PKP4: variants seen among roughly 807,000 people sequenced by gnomAD.
PKP4 encodes the protein plakophilin-4.
A neutral mutation model predicts 145.1 loss-of-function variants in PKP4; 90 were observed. The ratio of observed to expected loss-of-function variants is 0.62; its 90% CI spans 0.52 to 0.74. The LOEUF is 0.74. Ranked by LOEUF, PKP4 falls within the 30% of genes least tolerant of loss-of-function variation. The probability of loss-of-function intolerance (pLI) is 0.00; values close to 1 mark genes in which losing one functional copy is unlikely to be tolerated. For synonymous variants in PKP4, 563 were observed against 577.2 expected (o/e 0.98, Z 0.35); for missense variants, 1,340 against 1,482.7 (o/e 0.90, Z 1.58).
chr2:158,615,226 G>T (rs907921120), intron 4 of PKP4, among the ~76,000 whole-genome samples: 1 of 151,838 alleles, frequency 6.6e-6, no homozygotes, highest in African/African-American at 2.4e-5. Context: ...AATAAAAAGT[G>T]TCTTTGAAAA....
intron 16 of PKP4, among the ~76,000 whole-genome samples, chr2:158,668,842 G>T (rs549018688): frequency 6.6e-6 from 1 of 152,180 alleles, no homozygotes; most frequent in Non-Finnish European, 1.5e-5. Context: ...TATAAAAAGC[G>T]ATTGCACATC....
chr2:158,675,599 C>T (rs2057938325), intron 19 of PKP4, among the ~76,000 whole-genome samples: 1 of 152,192 alleles, frequency 6.6e-6, no homozygotes, highest in South Asian at 2.1e-4. Context: ...ATTCTAAGGG[C>T]TGATAATGCA....
At chr2:158,537,629 A>C (rs2044164091) in intron 2 of PKP4, among the ~76,000 whole-genome samples, 2 of 152,248 alleles carry the variant, frequency 1.3e-5, no homozygotes, top group Non-Finnish European at 2.9e-5. Flanking sequence ...GGAGTCCATG[A>C]TGAATACAGA....
chr2:158,474,794 G>T (rs1329811424), intron 1 of PKP4, among the ~76,000 whole-genome samples: 3 of 152,082 alleles, frequency 2.0e-5, no homozygotes, highest in Non-Finnish European at 4.4e-5. Flanking sequence ...GCCTTCTCAG[G>T]ACTCTGGCCA....
chr2:158,669,603 A>T, intron 16 of PKP4, 117 bp from the exon 17 acceptor site: 1 of 742,426 alleles, frequency 1.3e-6, no homozygotes, highest in African/African-American at 1.8e-5. Context: ...TTTTTCCCCT[A>T]TTATTGTCTC....
intron 11 of PKP4, among the ~76,000 whole-genome samples, chr2:158,657,134 G>C (rs1382923469): frequency 2.6e-5 from 4 of 152,158 alleles, no homozygotes; most frequent in Non-Finnish European, 4.4e-5. Flanking sequence ...AGGACTCTGG[G>C]GGGGACTTGA....
chr2:158,661,360 T>C lies in PKP4; in HGVS notation c.2121T>C (p.Ala707=). 1.9e-6 allele frequency: 3 copies of C among 1,613,826 alleles called. No homozygotes were observed. Among genetic ancestry groups the C allele is most frequent in the Non-Finnish European group, 1.7e-6 (2 of 1,179,780 alleles). The change falls in exon 13 of 22, where the codon GCT becomes GCC. Residue 707 remains alanine, a synonymous_variant. Transcript: ENST00000389759. The part of the protein sequence containing the change: ...LRNLSSAGEE[A]RKQMRSCEGL... ...ACCTCAGCTCCGCGGGGGAAGAAGCTCGGAAGCAAATGCGGTCCTGCGAGG... is the reference window on the plus strand; with the variant it reads ...ACCTCAGCTCCGCGGGGGAAGAAGCCCGGAAGCAAATGCGGTCCTGCGAGG...
chr2:158,458,147 G>C (rs1689149760), intron 1 of PKP4: 1 of 152,944 alleles, frequency 6.5e-6, no homozygotes. Context: ...GTGTACAGCG[G>C]GGGACGCGCG....
chr2:158,594,747 C>A (rs530267461), intron 3 of PKP4, among the ~76,000 whole-genome samples: 58 of 152,130 alleles, frequency 3.8e-4, no homozygotes, highest in Admixed American at 2.4e-3. Context: ...GAAGGGGTTT[C>A]AAAAAATATA....
At chr2:158,484,203 G>A (rs922124939) in intron 1 of PKP4, among the ~76,000 whole-genome samples, 7 of 151,640 alleles carry the variant, frequency 4.6e-5, no homozygotes, top group Non-Finnish European at 8.8e-5. Context: ...GCCCGCCACC[G>A]CGCCCGGCTA....
intron 1 of PKP4, among the ~76,000 whole-genome samples, chr2:158,508,275 G>T (rs1321762065): frequency 2.7e-5 from 4 of 148,718 alleles, no homozygotes; most frequent in African/African-American, 9.8e-5. Context: ...TGAGGCAGGA[G>T]AATTGCTTGA....
At position 158,463,395 on chromosome 2, in the gene PKP4, T is replaced by C. The variant is rs377171118; in HGVS notation, c.-6+6177T>C. ...AACTCTTTAAGCTGGCTTTTCTGTCTGAAAGTGATCACAGTTGAAAAAAAA... is the reference window on the plus strand; with the variant it reads ...AACTCTTTAAGCTGGCTTTTCTGTCCGAAAGTGATCACAGTTGAAAAAAAA... On this transcript the variant is annotated intron_variant, in intron 1 of 21. Coordinates refer to ENST00000389759, the MANE Select transcript of PKP4 (RefSeq NM_003628.6). Among the ~76,000 whole-genome samples, 12 of 147,354 alleles carry C rather than the reference T, an allele frequency of 8.1e-5. 2 individuals are homozygous for C. Among genetic ancestry groups the C allele is most frequent in the Admixed American group, 6.8e-4 (10 of 14,676 alleles).
intron 1 of PKP4, among the ~76,000 whole-genome samples, chr2:158,501,687 C>T (rs1171800385): frequency 1.5e-5 from 2 of 134,088 alleles, no homozygotes; most frequent in African/African-American, 2.5e-5. Context: ...GAGATGTAAA[C>T]GCCTCAGTGA....
intron 8 of PKP4, 29 bp from the exon 9 acceptor site, chr2:158,634,041 T>A (rs756189056): frequency 8.0e-7 from 1 of 1,255,444 alleles, no homozygotes; most frequent in Non-Finnish European, 1.2e-6. Context: ...GAGAACATAC[T>A]AATCTTTTTC....
At chr2:158,599,863 C>T (rs2050079349) in intron 3 of PKP4, among the ~76,000 whole-genome samples, 1 of 152,152 alleles carries the variant, frequency 6.6e-6, no homozygotes, top group Admixed American at 6.5e-5. Context: ...CTGGCCTGCC[C>T]TCTGGCTGGA....
chr2:158,469,931 C>T (rs1275035674), intron 1 of PKP4, among the ~76,000 whole-genome samples: 1 of 152,132 alleles, frequency 6.6e-6, no homozygotes, highest in Non-Finnish European at 1.5e-5. Context: ...TTTTCTTCTT[C>T]AGGGTCTAAC....
Position 158,522,892 on chromosome 2 carries a change from C to G in PKP4, c.-5-10288C>G, listed in dbSNP as rs1364439357. Reference sequence around the variant, plus strand: ...GACGGACGCACCTGGAAAATCGGGTCACTCCCACCCGAATACTGCCCTTTT... The same window carrying G: ...GACGGACGCACCTGGAAAATCGGGTGACTCCCACCCGAATACTGCCCTTTT... On this transcript the variant is annotated intron_variant, in intron 1 of 21. Coordinates refer to ENST00000389759, the MANE Select transcript of PKP4 (RefSeq NM_003628.6). Among the ~76,000 whole-genome samples, 12 of 152,308 alleles carry G rather than the reference C, an allele frequency of 7.9e-5. No homozygotes were observed. In the South Asian group the frequency reaches 1.7e-3, roughly 21 times the overall value.
At chr2:158,604,248 A>G (rs943683922) in intron 4 of PKP4, among the ~76,000 whole-genome samples, 2 of 152,206 alleles carry the variant, frequency 1.3e-5, no homozygotes, top group African/African-American at 4.8e-5. Context: ...ACTGGGCAAA[A>G]GAAGAGACAA....
intron 1 of PKP4, among the ~76,000 whole-genome samples, chr2:158,514,451 A>G (rs1321881058): frequency 6.6e-6 from 1 of 152,186 alleles, no homozygotes; most frequent in African/African-American, 2.4e-5. Flanking sequence ...CTCCTTGAAA[A>G]CGAAATATAG....
Sources: gnomAD v4.1 joint callset for allele counts (sites outside exome capture counted in the v4.1 genomes callset) on GRCh38, gnomAD v4.1.1 for gene constraint, MANE v1.5 for transcripts, NCBI Gene and HGNC (gene_info 2026-07-23, HGNC 2026-07-21) for gene names.